The following DLGAP2 variants were observed in gnomAD, a reference collection of about 807,000 sequenced individuals.
The protein encoded by DLGAP2 is disks large-associated protein 2.
DLGAP2 carries 26 observed loss-of-function variants against 100.3 expected under a neutral mutation model. The ratio of observed to expected loss-of-function variants is 0.26; its 90% confidence interval spans 0.19 to 0.36. The LOEUF (loss-of-function observed/expected upper bound fraction) is 0.36. Ranked by LOEUF, DLGAP2 falls within the 10% of genes least tolerant of loss-of-function variation. DLGAP2 has a pLI of 1.00. For synonymous variants in DLGAP2, 886 were observed against 630.1 expected, an observed-to-expected ratio of 1.41 and a Z score of -6.08; for missense variants, 1,858 against 1,453.2, an observed-to-expected ratio of 1.28 and a Z score of -4.53.
chr8:1,135,515 T>TTTTG (rs1796390006), intron 2 of DLGAP2, among the ~76,000 whole-genome samples: 1 of 138,486 alleles, frequency 7.2e-6, no homozygotes. Context: ...TTTTTTTTTT[T>TTTTG]TTTTTTTTTT....
intron 3 of DLGAP2, among the ~76,000 whole-genome samples, chr8:1,345,968 C>T (rs1431704650): frequency 1.3e-5 from 2 of 152,196 alleles, no homozygotes; most frequent in African/African-American, 2.4e-5. Context: ...CCTTGAGCTG[C>T]CCATAGAAAC....
At chr8:1,196,031 G>A (rs1422003260) in intron 2 of DLGAP2, among the ~76,000 whole-genome samples, 1 of 152,176 alleles carries the variant, frequency 6.6e-6, no homozygotes, top group Non-Finnish European at 1.5e-5. Context: ...CTCTCAAATA[G>A]CCATGACGTA....
chr8:1,440,480 G>C (rs1345448538), intron 3 of DLGAP2, among the ~76,000 whole-genome samples: 2 of 152,190 alleles, frequency 1.3e-5, no homozygotes, highest in Admixed American at 6.5e-5. Context: ...AACACTAGAA[G>C]CTCTTGAGCC....
At chr8:1,564,036 A>G (rs1443939105) in intron 5 of DLGAP2, among the ~76,000 whole-genome samples, 1 of 152,206 alleles carries the variant, frequency 6.6e-6, no homozygotes, top group African/African-American at 2.4e-5. Flanking sequence ...CCTACATGAA[A>G]AACATGCTAT....
At chr8:1,379,930 C>T (rs1373110678) in intron 3 of DLGAP2, among the ~76,000 whole-genome samples, 1 of 133,908 alleles carries the variant, frequency 7.5e-6, no homozygotes, top group East Asian at 2.1e-4. Context: ...TTTTGGGGTG[C>T]CCTCCCTTCC....
chr8:1,665,015 G>T (rs1252322965), intron 8 of DLGAP2, among the ~76,000 whole-genome samples: 2 of 152,094 alleles, frequency 1.3e-5, no homozygotes, highest in African/African-American at 4.8e-5. Context: ...TTAAAAGTGT[G>T]GCATGCAACT....
chr8:1,337,698 G>A (rs1378024564), intron 3 of DLGAP2, among the ~76,000 whole-genome samples: 1 of 152,210 alleles, frequency 6.6e-6, no homozygotes, highest in South Asian at 2.1e-4. Flanking sequence ...GATAAAAACA[G>A]ACAAACTTTA....
chr8:1,614,535 A>G (rs1354442196), intron 6 of DLGAP2, among the ~76,000 whole-genome samples: 2 of 152,174 alleles, frequency 1.3e-5, no homozygotes, highest in Non-Finnish European at 2.9e-5. Context: ...GTGTGCAGAA[A>G]ACATGACTTA....
intron 4 of DLGAP2, among the ~76,000 whole-genome samples, chr8:1,523,479 A>C (rs887914799): frequency 5.9e-5 from 9 of 152,200 alleles, no homozygotes; most frequent in South Asian, 2.1e-4. Flanking sequence ...GCCAGATCTC[A>C]GGGCCGGATG....
intron 3 of DLGAP2, among the ~76,000 whole-genome samples, chr8:1,336,333 GGA>G (rs1253719861): frequency 1.3e-5 from 2 of 152,212 alleles, no homozygotes; most frequent in Non-Finnish European, 2.9e-5. Context: ...AGTGAAGAAG[GGA>G]GAGGGGTGGT....
intron 3 of DLGAP2, among the ~76,000 whole-genome samples, chr8:1,382,414 G>A (rs192933204): frequency 6.6e-6 from 1 of 152,116 alleles, no homozygotes; most frequent in East Asian, 1.9e-4. Context: ...TTGTTCAAGG[G>A]CAAGTGTGCG....
chr8:930,910 T>C (rs1798941914), intron 2 of DLGAP2, among the ~76,000 whole-genome samples: 1 of 152,152 alleles, frequency 6.6e-6, no homozygotes, highest in South Asian at 2.1e-4. Context: ...GGGAGGACTC[T>C]GTGGGTTGTT....
chr8:1,131,088 T>C (rs927517301), intron 2 of DLGAP2, among the ~76,000 whole-genome samples: 3 of 152,188 alleles, frequency 2.0e-5, no homozygotes, highest in Non-Finnish European at 4.4e-5. Flanking sequence ...TGTTTTTTAA[T>C]GTTTTGGGAA....
intron 3 of DLGAP2, among the ~76,000 whole-genome samples, chr8:1,350,982 G>A (rs1801708413): frequency 7.4e-6 from 1 of 135,504 alleles, no homozygotes; most frequent in East Asian, 2.2e-4. Context: ...TCCTGAGTGT[G>A]CGTGGAAAGG....
chr8:984,798 G>C (rs1800440305), intron 2 of DLGAP2, among the ~76,000 whole-genome samples: 2 of 152,128 alleles, frequency 1.3e-5, no homozygotes, highest in African/African-American at 4.8e-5. Context: ...GATTGGTTAG[G>C]ACAATGAATG....
chr8:1,456,000 C>T (rs139646585), intron 3 of DLGAP2, among the ~76,000 whole-genome samples: 1 of 152,326 alleles, frequency 6.6e-6, no homozygotes, highest in East Asian at 1.9e-4. Context: ...AGACCTGATG[C>T]CCCATGATGC....
chr8:864,111 C>T (rs955187099), intron 1 of DLGAP2, among the ~76,000 whole-genome samples: 4 of 152,114 alleles, frequency 2.6e-5, no homozygotes, highest in South Asian at 2.1e-4. Context: ...AGGCAAACAC[C>T]GCATAATCCC....
chr8:1,553,540 A>G (rs925378252), intron 5 of DLGAP2, among the ~76,000 whole-genome samples: 12 of 69,442 alleles, frequency 1.7e-4, no homozygotes, highest in Non-Finnish European at 8.9e-5. Context: ...GGCTTTTTAC[A>G]TGTTCACGTG....
intron 10 of DLGAP2, among the ~76,000 whole-genome samples, chr8:1,670,614 G>A (rs1489855616): frequency 6.6e-6 from 1 of 152,216 alleles, no homozygotes; most frequent in East Asian, 1.9e-4. Flanking sequence ...TGGGTCGCTG[G>A]GTGCGTGCTG....
Sources: allele counts gnomAD v4.1 joint callset (sites outside exome capture counted in the v4.1 genomes callset), GRCh38; gene constraint gnomAD v4.1.1; transcripts MANE v1.5; gene names NCBI Gene and HGNC (gene_info 2026-07-23, HGNC 2026-07-21).